Variants in GSG1L observed in about 807,000 individuals in gnomAD.
The protein encoded by GSG1L is germ cell-specific gene 1-like protein.
In GSG1L, 24 loss-of-function variants were observed where a neutral mutation model predicts 42.1. That is an observed-to-expected ratio of 0.57 (90% CI 0.41 to 0.80). The LOEUF (loss-of-function observed/expected upper bound fraction) is 0.80. GSG1L is among the 30% of genes least tolerant of loss of function. The probability of loss-of-function intolerance (pLI) is 0.00; values close to 1 mark genes in which losing one functional copy is unlikely to be tolerated. For synonymous variants in GSG1L, 215 were observed against 203.5 expected, an observed-to-expected ratio of 1.06 and a Z score of -0.48; for missense variants, 445 against 472.2, an observed-to-expected ratio of 0.94 and a Z score of 0.53.
At chr16:27,895,003 C>T (rs547089672) in intron 2 of GSG1L, among the ~76,000 whole-genome samples, 1 of 152,164 alleles carries the variant, frequency 6.6e-6, no homozygotes, top group South Asian at 2.1e-4. Context: ...CATCAGCAGC[C>T]CTGAGTTCAA....
Position 27,808,102 on chromosome 16 carries a change from A to G in GSG1L, c.831-548T>C, listed in dbSNP as rs376349233. Among the ~76,000 whole-genome samples the G allele has an allele frequency of 3.4e-5, 5 of 149,206 alleles. No individual in the cohort carries two copies. The East Asian group carries it at 8.0e-4, about 24-fold the overall frequency. ...CATTTCCCTCCCCTCCGCCCACCCCAGAGACAAGGTCTCACTCTGTCGCCC... is the reference window on the plus strand; with the variant it reads ...CATTTCCCTCCCCTCCGCCCACCCCGGAGACAAGGTCTCACTCTGTCGCCC... On this transcript the variant is annotated intron_variant, in intron 5 of 6. Coordinates refer to ENST00000447459, the MANE Select transcript of GSG1L (RefSeq NM_001109763.2).
chr16:27,954,917 C>T (rs1385764247), intron 2 of GSG1L, among the ~76,000 whole-genome samples: 1 of 152,176 alleles, frequency 6.6e-6, no homozygotes, highest in African/African-American at 2.4e-5. Flanking sequence ...GCCTCAGCCT[C>T]CCAAAGTGCT....
chr16:27,857,320 T>C (rs1478698594), intron 3 of GSG1L, among the ~76,000 whole-genome samples: 4 of 149,204 alleles, frequency 2.7e-5, no homozygotes, highest in African/African-American at 1.0e-4. Context: ...CCCAGCTACT[T>C]GGGAGGCTGA....
In GSG1L at chr16:28,063,302, C is replaced by G. The variant is rs2141207087; in HGVS notation, c.123G>C (p.Lys41Asn). The G allele has an allele frequency of 7.2e-7, 1 of 1,384,452 alleles. No individual in the cohort carries two copies. The highest frequency in any genetic ancestry group is 9.4e-7 in the Non-Finnish European group (1 of 1,060,288). 85.8% of individuals were successfully genotyped at this position (1,384,452 alleles called of 1,614,324 possible). Residue 41 changes from lysine (K) to asparagine (N), a missense_variant, in exon 1 of 7, where the codon AAG becomes AAC. By Grantham distance (94) the Lys-to-Asn change is moderately conservative (BLOSUM62 0). Around this residue, in one of 3 missense-constraint regions of GSG1L, gnomAD observed 156 missense variants for 128.3 expected, o/e 1.22. Transcript: ENST00000447459. This position sits in a 1 kb window ranked among gnomAD's most constrained non-coding sequence, Gnocchi z 5.8. Reference sequence around the variant, plus strand: ...CGCGCCCGCCCTGGCCGCAGCCCGGCTTGGGGACCCGCTGCGTGCCCTGGC... The same window carrying G: ...CGCGCCCGCCCTGGCCGCAGCCCGGGTTGGGGACCCGCTGCGTGCCCTGGC... Reference protein sequence around the residue: ...HWCQGTQRVPKPGCGQGGRAN... With the variant: ...HWCQGTQRVPNPGCGQGGRAN...
rs547530855 is a variant in GSG1L, at chr16:28,024,491, T to C, written c.349+38585A>G. ...TCTAGGAAGCTACAAAATACAATAA[T>C]GAAAGATAACAGGCCCCGGAACAGC... On this transcript the variant is annotated intron_variant, in intron 1 of 6. Coordinates refer to ENST00000447459, the MANE Select transcript of GSG1L (RefSeq NM_001109763.2). 3.9e-5 allele frequency among the ~76,000 whole-genome samples: 6 copies of C among 152,104 alleles called. No homozygotes were observed. The South Asian group carries it at 1.2e-3, about 32-fold the overall frequency.
At chr16:27,915,172 A>G (rs1463817253) in intron 2 of GSG1L, among the ~76,000 whole-genome samples, 1 of 145,888 alleles carries the variant, frequency 6.9e-6, no homozygotes, top group African/African-American at 2.5e-5. Flanking sequence ...GAGGGAGCAG[A>G]GGTGTCTCTT....
chr16:28,032,558 C>T (rs572201469), intron 1 of GSG1L, among the ~76,000 whole-genome samples: 21 of 152,330 alleles, frequency 1.4e-4, no homozygotes, highest in African/African-American at 5.1e-4. Context: ...TGTTCTCTCC[C>T]TGTCTACTTG....
At chr16:28,009,045 G>A (rs2085680903) in intron 1 of GSG1L, among the ~76,000 whole-genome samples, 1 of 152,168 alleles carries the variant, frequency 6.6e-6, no homozygotes, top group South Asian at 2.1e-4. Context: ...CTGACCTCAA[G>A]TGATCCGCCC....
chr16:27,987,580 G>A (rs1009002338), intron 1 of GSG1L, among the ~76,000 whole-genome samples: 2 of 152,174 alleles, frequency 1.3e-5, no homozygotes, highest in African/African-American at 2.4e-5. Flanking sequence ...ACCCAGACAA[G>A]CCCTGCCTTT....
At chr16:27,930,087 T>C (rs982461523) in intron 2 of GSG1L, among the ~76,000 whole-genome samples, 1 of 152,068 alleles carries the variant, frequency 6.6e-6, no homozygotes. Flanking sequence ...CTTACATGCC[T>C]CTGGGGTTGA....
intron 4 of GSG1L, among the ~76,000 whole-genome samples, chr16:27,842,099 C>T (rs11074883): frequency 2.4e-3 from 234 of 99,554 alleles, no homozygotes; most frequent in Non-Finnish European, 4.4e-3. Flanking sequence ...ATCAGTAGCA[C>T]GATGTCGCGC....
chr16:28,000,491 C>T (rs1231040279), intron 1 of GSG1L, among the ~76,000 whole-genome samples: 1 of 152,142 alleles, frequency 6.6e-6, no homozygotes, highest in Non-Finnish European at 1.5e-5. Context: ...ATTTTACTAT[C>T]TATTTGCTTA....
chr16:27,803,794 TAG>T (rs1555500691), intron 6 of GSG1L, among the ~76,000 whole-genome samples: 1,352 of 68,422 alleles, frequency 0.02, 17 homozygotes, highest in African/African-American at 0.046. Flanking sequence ...TATATATATA[TAG>T]ATAGATAGAT....
rs536989698 is a variant in GSG1L, at chr16:27,858,139, C to T, written c.551-13078G>A. On this transcript the variant is annotated intron_variant, in intron 3 of 6. Coordinates refer to ENST00000447459, the MANE Select transcript of GSG1L (RefSeq NM_001109763.2). ...GAGCTTCCACACTTCCCTGCGGCAACGCTGGGACTCCATCCAATTAGTTTC... is the reference window on the plus strand; with the variant it reads ...GAGCTTCCACACTTCCCTGCGGCAATGCTGGGACTCCATCCAATTAGTTTC... Among the ~76,000 whole-genome samples the T allele has an allele frequency of 5.3e-5, 8 of 152,342 alleles. No homozygotes were observed. In the South Asian group the frequency reaches 8.3e-4, roughly 16 times the overall value.
intron 1 of GSG1L, among the ~76,000 whole-genome samples, chr16:28,034,890 C>G (rs1245695886): frequency 6.6e-6 from 1 of 152,230 alleles, no homozygotes; most frequent in Non-Finnish European, 1.5e-5. Flanking sequence ...CAGTTGAGAA[C>G]CCCTATACTA....
chr16:27,947,585 GAAAGAAAGAAAGAAAA>G (rs1301050295), intron 2 of GSG1L, among the ~76,000 whole-genome samples: 40 of 104,330 alleles, frequency 3.8e-4, no homozygotes, highest in African/African-American at 1.2e-3. Context: ...AAGAAAGAAA[GAAAGAAAGAAAGAAAA>G]AGAAAGAAAG....
intron 1 of GSG1L, among the ~76,000 whole-genome samples, chr16:28,051,234 A>T (rs1381458142): frequency 6.6e-6 from 1 of 152,186 alleles, no homozygotes; most frequent in Non-Finnish European, 1.5e-5. Context: ...ACAGGGCATA[A>T]GTCAGAAAAC....
chr16:27,887,815 C>G (rs1350641894), intron 2 of GSG1L, among the ~76,000 whole-genome samples: 3 of 150,968 alleles, frequency 2.0e-5, no homozygotes, highest in Non-Finnish European at 4.4e-5. Context: ...TTTTTTTTCT[C>G]CTCCCTACCA....
At chr16:27,810,984 G>T (rs570690134) in intron 5 of GSG1L, among the ~76,000 whole-genome samples, 3 of 151,068 alleles carry the variant, frequency 2.0e-5, no homozygotes, top group Admixed American at 6.6e-5. Flanking sequence ...CACCACGCCC[G>T]GCCCAAAAAA....
Sources: allele counts gnomAD v4.1 joint callset (sites outside exome capture counted in the v4.1 genomes callset), GRCh38; gene constraint gnomAD v4.1.1; regional missense constraint gnomAD v4.1.1; non-coding constraint Gnocchi (gnomAD v3.1); transcripts MANE v1.5; gene names NCBI Gene and HGNC (gene_info 2026-07-23, HGNC 2026-07-21).